PAK1: variants seen among roughly 807,000 people sequenced by gnomAD.
PAK1 encodes p21 (RAC1) activated kinase 1, also known as serine/threonine-protein kinase PAK 1.
Under a neutral mutation model 67.4 loss-of-function variants are expected in PAK1, and 29 were observed. The ratio of observed to expected loss-of-function variants is 0.43; its 90% CI spans 0.32 to 0.59. The LOEUF is 0.59. PAK1 is among the 20% of genes least tolerant of loss of function. The pLI is 0.07. For missense variants in PAK1, 337 were observed against 670.7 expected, an observed-to-expected ratio of 0.50 and a Z score of 5.50; for synonymous variants, 223 against 237.4, an observed-to-expected ratio of 0.94 and a Z score of 0.56.
intron 12 of PAK1, 34 bp downstream of exon 12, chr11:77,337,290 G>C (rs1259264372): frequency 1.8e-6 from 2 of 1,112,616 alleles, no homozygotes; most frequent in Non-Finnish European, 2.7e-6. Context: ...CCCACAGGCA[G>C]AGAAGTATTA....
chr11:77,526,229 T>C, the PAK1 span, among the ~76,000 whole-genome samples: 1 of 152,204 alleles, frequency 6.6e-6, no homozygotes, highest in Admixed American at 6.5e-5. Context: ...CATGGCCAAT[T>C]GAGAAGTGGT....
At chr11:77,520,246 G>A in the PAK1 span, among the ~76,000 whole-genome samples, 1 of 152,132 alleles carries the variant, frequency 6.6e-6, no homozygotes, top group East Asian at 1.9e-4. Context: ...TAAGGATAAG[G>A]ATGAAGACCA....
chr11:77,392,416 GT>G lies in PAK1; in HGVS notation c.104del (p.Asn35ThrfsTer109). 6.2e-7 allele frequency: 1 copy of G among 1,613,928 alleles called. No homozygotes were observed. The highest frequency in any genetic ancestry group is 8.5e-7 in the Non-Finnish European group (1 of 1,179,922). ...GAGSKDAGTL[N>X]HGSKPLPPNP... ...TTGGAGGCAGAGGTTTAGAACCATG[GT>G]TTAGGGTTCCAGCATCTTTGCTGCC... On this transcript the variant is annotated frameshift_variant, in exon 2 of 15. Transcript: ENST00000356341. LOFTEE classifies it high-confidence loss of function.
chr11:77,498,073 T>C, the PAK1 span, among the ~76,000 whole-genome samples: 2 of 152,280 alleles, frequency 1.3e-5, no homozygotes, highest in South Asian at 4.1e-4. Flanking sequence ...CTAAATGTAA[T>C]GTGGTATTCT....
At chr11:77,461,834 A>T (rs1346906454) in intron 1 of PAK1, among the ~76,000 whole-genome samples, 1 of 152,260 alleles carries the variant, frequency 6.6e-6, no homozygotes, top group Non-Finnish European at 1.5e-5. Context: ...AAAGAAACCC[A>T]TACTAATCCA....
chr11:77,490,404 T>G, the PAK1 span, among the ~76,000 whole-genome samples: 7 of 133,938 alleles, frequency 5.2e-5, no homozygotes, highest in South Asian at 7.4e-4. Flanking sequence ...CCGCCCCTAC[T>G]GGGAAGTGAG....
At chr11:77,406,601 A>C (rs923101411) in intron 1 of PAK1, among the ~76,000 whole-genome samples, 2 of 152,178 alleles carry the variant, frequency 1.3e-5, no homozygotes, top group African/African-American at 4.8e-5. Flanking sequence ...AATGTGGTGA[A>C]ACCCTGTCTC....
At chr11:77,350,224 T>G (rs561520978) in intron 8 of PAK1, among the ~76,000 whole-genome samples, 2 of 152,324 alleles carry the variant, frequency 1.3e-5, no homozygotes, top group South Asian at 4.1e-4. Flanking sequence ...TAAAAGTGGT[T>G]TTTAGTTTTC....
chr11:77,512,340 C>T, the PAK1 span, among the ~76,000 whole-genome samples: 2 of 152,032 alleles, frequency 1.3e-5, no homozygotes, highest in African/African-American at 2.4e-5. Context: ...CCCCCACCCT[C>T]TTCTCCTTCT....
At chr11:77,390,420 T>C (rs1950982706) in intron 2 of PAK1, among the ~76,000 whole-genome samples, 2 of 152,010 alleles carry the variant, frequency 1.3e-5, no homozygotes, top group African/African-American at 4.8e-5. Flanking sequence ...AGGCTGATCT[T>C]GAACTTCTGA....
At chr11:77,333,807 T>G (rs974992645) in intron 13 of PAK1, among the ~76,000 whole-genome samples, 2 of 151,958 alleles carry the variant, frequency 1.3e-5, no homozygotes, top group African/African-American at 4.8e-5. Context: ...CAATTAACTC[T>G]GGGTAATAGG....
chr11:77,474,631 C>T (rs939302414), upstream of PAK1: 15 of 152,054 alleles, frequency 9.9e-5, no homozygotes, highest in African/African-American at 3.6e-4. Flanking sequence ...TATCCGATGT[C>T]GTGTGATCTC....
At chr11:77,332,647 C>A in intron 14 of PAK1, 83 bp downstream of exon 14, 1 of 1,096,974 alleles carries the variant, frequency 9.1e-7, no homozygotes, top group Non-Finnish European at 1.4e-6. Context: ...TCTATAATAT[C>A]CAGTACCTTA....
At chr11:77,522,770 C>T in the PAK1 span, among the ~76,000 whole-genome samples, 1 of 152,162 alleles carries the variant, frequency 6.6e-6, no homozygotes, top group Non-Finnish European at 1.5e-5. Context: ...CACATGCACT[C>T]ATATGTTCAT....
At chr11:77,392,086 A>C (rs1951211819) in intron 2 of PAK1, among the ~76,000 whole-genome samples, 2 of 152,212 alleles carry the variant, frequency 1.3e-5, no homozygotes, top group Non-Finnish European at 2.9e-5. Context: ...ATCACTTCAG[A>C]TTGTCCCAAA....
At chr11:77,400,385 A>G (rs963280784) in intron 1 of PAK1, among the ~76,000 whole-genome samples, 2 of 152,194 alleles carry the variant, frequency 1.3e-5, no homozygotes, top group African/African-American at 4.8e-5. Flanking sequence ...AGAATTGTGC[A>G]ATAAATGCCC....
intron 1 of PAK1, among the ~76,000 whole-genome samples, chr11:77,467,359 C>A (rs1592586262): frequency 6.6e-6 from 1 of 152,194 alleles, no homozygotes; most frequent in Non-Finnish European, 1.5e-5. Flanking sequence ...TGTCTATGCA[C>A]ATGTCTGTTT....
At chr11:77,485,360 ATGG>A in the PAK1 span, among the ~76,000 whole-genome samples, 1 of 152,186 alleles carries the variant, frequency 6.6e-6, no homozygotes, top group African/African-American at 2.4e-5. Flanking sequence ...GCTTAAGGTG[ATGG>A]ATACCTCATT....
the PAK1 span, among the ~76,000 whole-genome samples, chr11:77,484,565 T>A: frequency 6.6e-6 from 1 of 152,206 alleles, no homozygotes; most frequent in Non-Finnish European, 1.5e-5. Flanking sequence ...TCATGGGTGG[T>A]TGGGAAAGCA....
Sources: allele counts gnomAD v4.1 joint callset (sites outside exome capture counted in the v4.1 genomes callset), GRCh38; gene constraint gnomAD v4.1.1; transcripts MANE v1.5; gene names NCBI Gene and HGNC (gene_info 2026-07-23, HGNC 2026-07-21).